Variants in SMYD3 observed in about 807,000 individuals in gnomAD.
SMYD3 encodes SET and MYND domain containing 3.
SMYD3 carries 36 observed loss-of-function variants against 57.7 expected under a neutral mutation model. That is an observed-to-expected ratio of 0.62 (90% confidence interval 0.48 to 0.82). The LOEUF is 0.82. Among genes scored for constraint, SMYD3 ranks in the 40% least tolerant of loss-of-function variants. The probability of loss-of-function intolerance (pLI) is 0.00; values close to 1 mark genes in which losing one functional copy is unlikely to be tolerated. For synonymous variants in SMYD3, 211 were observed against 195.0 expected (o/e 1.08, Z -0.68); for missense variants, 515 against 538.8 (o/e 0.96, Z 0.44).
At chr1:245,919,225 C>T (rs532109448) in intron 7 of SMYD3, among the ~76,000 whole-genome samples, 50 of 152,274 alleles carry the variant, frequency 3.3e-4, no homozygotes, top group Non-Finnish European at 6.6e-4. Context: ...TAAAAACTTG[C>T]GATGGTTTCT....
At chr1:245,995,636 A>T (rs2058913950) in intron 5 of SMYD3, among the ~76,000 whole-genome samples, 1 of 152,216 alleles carries the variant, frequency 6.6e-6, no homozygotes, top group Admixed American at 6.5e-5. Context: ...AGCAGAAACC[A>T]TCTGCAAAAT....
chr1:246,268,059 C>T (rs1164015255), intron 5 of SMYD3, among the ~76,000 whole-genome samples: 3 of 152,088 alleles, frequency 2.0e-5, no homozygotes, highest in African/African-American at 4.8e-5. Context: ...TTGTCAGAGG[C>T]GTGTGAACCA....
chr1:245,940,307 C>G (rs1218205674), intron 5 of SMYD3, among the ~76,000 whole-genome samples: 1 of 152,230 alleles, frequency 6.6e-6, no homozygotes, highest in Non-Finnish European at 1.5e-5. Flanking sequence ...TTAAGCATAT[C>G]CCTCATCCTG....
intron 10 of SMYD3, among the ~76,000 whole-genome samples, chr1:245,796,357 A>G (rs2047520725): frequency 6.6e-6 from 1 of 151,818 alleles, no homozygotes; most frequent in Non-Finnish European, 1.5e-5. Flanking sequence ...TTTTTTTTTA[A>G]TAAAATGGAG....
At chr1:246,342,481 GA>G (rs1469056491) in intron 2 of SMYD3, among the ~76,000 whole-genome samples, 9 of 152,194 alleles carry the variant, frequency 5.9e-5, no homozygotes, top group African/African-American at 2.2e-4. Context: ...AGGCAGATCT[GA>G]AAAGCTGGAA....
At chr1:245,934,298 T>C (rs1424924364) in intron 5 of SMYD3, among the ~76,000 whole-genome samples, 1 of 152,200 alleles carries the variant, frequency 6.6e-6, no homozygotes, top group Non-Finnish European at 1.5e-5. Context: ...CAGAAGCTTT[T>C]ACACTACATA....
chr1:246,130,240 G>C (rs1397242031), intron 5 of SMYD3, among the ~76,000 whole-genome samples: 1 of 152,120 alleles, frequency 6.6e-6, no homozygotes, highest in Admixed American at 6.5e-5. Flanking sequence ...TTAATATGTA[G>C]ACAAAATTAT....
intron 1 of SMYD3, among the ~76,000 whole-genome samples, chr1:246,405,094 G>C (rs1229488260): frequency 6.6e-6 from 1 of 152,012 alleles, no homozygotes; most frequent in Non-Finnish European, 1.5e-5. Context: ...TGGGACTACA[G>C]GTGTGCACGA....
At chr1:246,215,193 G>A (rs986554589) in intron 5 of SMYD3, among the ~76,000 whole-genome samples, 25 of 152,130 alleles carry the variant, frequency 1.6e-4, no homozygotes, top group Non-Finnish European at 3.4e-4. Flanking sequence ...GATCCGGACA[G>A]TAATAAAACA....
At chr1:246,139,190 G>C (rs12120190) in intron 5 of SMYD3, among the ~76,000 whole-genome samples, 76,423 of 152,036 alleles carry the variant, frequency 0.5, 23,044 homozygotes, top group Non-Finnish European at 0.69. Flanking sequence ...ATTGTTCATA[G>C]ACCAAAGACC....
At chr1:246,003,235 G>C (rs1313477962) in intron 5 of SMYD3, among the ~76,000 whole-genome samples, 1 of 152,242 alleles carries the variant, frequency 6.6e-6, no homozygotes, top group Non-Finnish European at 1.5e-5. Context: ...CCAATTCACA[G>C]GTCATTAGGC....
chr1:246,446,623 C>T (rs1342960903), intron 1 of SMYD3, among the ~76,000 whole-genome samples: 1 of 152,112 alleles, frequency 6.6e-6, no homozygotes, highest in Non-Finnish European at 1.5e-5. Flanking sequence ...AACTTATCTA[C>T]GATTTAAATA....
chr1:246,387,127 G>C (rs2066496009), intron 1 of SMYD3, among the ~76,000 whole-genome samples: 1 of 152,164 alleles, frequency 6.6e-6, no homozygotes, highest in Admixed American at 6.6e-5. Context: ...CCATTTAGAA[G>C]CTTCCTTTAA....
Position 246,227,052 on chromosome 1 carries a change from TC to T in SMYD3, c.531+100148del, listed in dbSNP as rs2063340861. ...GCTTGTGATTTTTGACATATTAAAT[TC>T]TAAACCTCAACATTTCAAACAGTCT... On this transcript the variant is annotated intron_variant, in intron 5 of 11. Transcript: ENST00000490107. Among the ~76,000 whole-genome samples the T allele has an allele frequency of 3.9e-5, 6 of 152,338 alleles. No individual in the cohort carries two copies. The South Asian group carries it at 8.3e-4, about 21-fold the overall frequency.
intron 10 of SMYD3, among the ~76,000 whole-genome samples, chr1:245,826,801 G>A (rs898920040): frequency 6.6e-6 from 1 of 152,146 alleles, no homozygotes; most frequent in African/African-American, 2.4e-5. Context: ...GCAGGAAGGA[G>A]AATGAATGCA....
At chr1:246,210,635 G>A (rs528846467) in intron 5 of SMYD3, among the ~76,000 whole-genome samples, 8 of 151,952 alleles carry the variant, frequency 5.3e-5, no homozygotes, top group East Asian at 3.9e-4. Context: ...ACTTGAACCC[G>A]GGAAGCGGAG....
At chr1:246,488,127 T>C (rs909944719) in intron 1 of SMYD3, among the ~76,000 whole-genome samples, 3 of 152,204 alleles carry the variant, frequency 2.0e-5, no homozygotes, top group African/African-American at 2.4e-5. Context: ...ATTAAATCCA[T>C]GTATTTGATC....
intron 5 of SMYD3, among the ~76,000 whole-genome samples, chr1:246,198,531 T>C (rs112700950): frequency 7.7e-4 from 118 of 152,350 alleles, no homozygotes; most frequent in African/African-American, 2.8e-3. Context: ...TCATCTTTTT[T>C]AAAGTCTACA....
At chr1:246,254,017 GTTT>G (rs1177263841) in intron 5 of SMYD3, among the ~76,000 whole-genome samples, 1 of 151,868 alleles carries the variant, frequency 6.6e-6, no homozygotes, top group African/African-American at 2.4e-5. Context: ...AAAATCTGTT[GTTT>G]TTTACTTCTT....
Sources: allele counts gnomAD v4.1 joint callset (sites outside exome capture counted in the v4.1 genomes callset), GRCh38; gene constraint gnomAD v4.1.1; transcripts MANE v1.5; gene names NCBI Gene and HGNC (gene_info 2026-07-23, HGNC 2026-07-21).